Variants in AMER1 observed in about 807,000 individuals in gnomAD.
AMER1 encodes the protein RP11-403E24.2.
A neutral mutation model predicts 53.0 loss-of-function variants in AMER1; 16 were observed. The observed-to-expected ratio is 0.30, with a 90% confidence interval of 0.20 to 0.46. The LOEUF (loss-of-function observed/expected upper bound fraction) is 0.46. Ranked by LOEUF, AMER1 falls within the 20% of genes least tolerant of loss-of-function variation. The pLI is 1.00. For synonymous variants in AMER1, 354 were observed against 331.9 expected, an observed-to-expected ratio of 1.07 and a Z score of -0.73; for missense variants, 947 against 884.9, an observed-to-expected ratio of 1.07 and a Z score of -0.89.
chrX:64,198,155 C>T (rs1049465099), intron 1 of AMER1, among the ~76,000 whole-genome samples: 1 of 111,760 alleles, frequency 8.9e-6, no homozygotes, highest in Non-Finnish European at 1.9e-5. Context: ...ATTTAGCCAA[C>T]TTTTGATATT....
At chrX:64,193,521 T>A (rs1302444892) in intron 1 of AMER1, 137 bp from the exon 2 acceptor site, 2 of 467,065 alleles carry the variant, frequency 4.3e-6, no homozygotes, top group East Asian at 3.8e-5. Context: ...CAAATCTTAA[T>A]CCACTCGATA....
At chrX:64,195,440 T>C (rs1354994615) in intron 1 of AMER1, among the ~76,000 whole-genome samples, 1 of 111,972 alleles carries the variant, frequency 8.9e-6, no homozygotes, top group South Asian at 3.7e-4. Context: ...TCTAAGGAGC[T>C]CCTAGGCTAA....
intron 1 of AMER1, among the ~76,000 whole-genome samples, chrX:64,194,987 C>T (rs1195129685): frequency 4.5e-5 from 5 of 111,815 alleles, no homozygotes; most frequent in African/African-American, 1.6e-4. Flanking sequence ...GCTGGTTATC[C>T]AGAAAAGAAA....
rs770715107 is a variant in AMER1, at chrX:64,191,253, G to T, written c.2034C>A (p.His678Gln). The T allele has an allele frequency of 8.3e-7, 1 of 1,209,996 alleles. No individual in the cohort carries two copies. The highest frequency in any genetic ancestry group is 1.7e-5 in the African/African-American group (1 of 57,170). ...TGGGGAAAGCTGAGGTAATTCCCCG[G>T]TGGGAAATCTGAGAGGTCCCTGATA... ...AGVSGTSQIS[H>Q]RGITSAFPTT... Residue 678 changes from histidine (H) to glutamine (Q), a missense_variant, in exon 2 of 2, where the codon CAC becomes CAA. Coordinates refer to ENST00000374869, the MANE Select transcript of AMER1 (RefSeq NM_152424.4).
Position 64,192,202 on chromosome X carries a change from A to G in AMER1, c.1085T>C (p.Leu362Pro). 2.5e-6 allele frequency: 3 copies of G among 1,211,647 alleles called. No individual in the cohort carries two copies. The highest frequency in any genetic ancestry group is 3.4e-6 in the Non-Finnish European group (3 of 895,455). Residue 362 changes from leucine (L) to proline (P), a missense_variant, in exon 2 of 2, where the codon CTG becomes CCG. Leu to Pro is a moderately conservative substitution (Grantham distance 98, BLOSUM62 -3). Coordinates refer to ENST00000374869, the MANE Select transcript of AMER1 (RefSeq NM_152424.4). ...NRDGTKRSSC[L>P]VTYQGGGEEM... is the part of the protein sequence containing the mutation. The stretch of plus-strand genomic sequence containing the variant: ...CTCCCCACCTCCTTGGTAGGTCACC[A>G]GGCAGGAACTTCGCTTGGTCCCATC...
intron 1 of AMER1, among the ~76,000 whole-genome samples, chrX:64,200,955 G>A (rs958661063): frequency 1.8e-5 from 2 of 111,733 alleles, no homozygotes; most frequent in African/African-American, 6.5e-5. Context: ...GATGGAGAGG[G>A]AGGGTTGAGG....
chrX:64,186,113 C>G lies in AMER1; in HGVS notation c.*3766G>C. 8.3e-7 allele frequency: 1 copy of G among 1,205,125 alleles called. No homozygotes were observed. Among genetic ancestry groups the G allele is most frequent in the Non-Finnish European group, 1.1e-6 (1 of 890,098 alleles). On this transcript the variant is annotated 3_prime_UTR_variant, in exon 2 of 2. Coordinates refer to ENST00000374869, the MANE Select transcript of AMER1 (RefSeq NM_152424.4). Reference sequence around the variant, plus strand: ...TAAAATAAAGCCAGAAAATGACAAGCTGTCTACCAGGTCCCACACGCCTGA... The same window carrying G: ...TAAAATAAAGCCAGAAAATGACAAGGTGTCTACCAGGTCCCACACGCCTGA...
chrX:64,201,206 A>C (rs1026674414), intron 1 of AMER1, among the ~76,000 whole-genome samples: 5 of 110,827 alleles, frequency 4.5e-5, no homozygotes, highest in Non-Finnish European at 9.4e-5. Flanking sequence ...ACATACTCTT[A>C]CTGGGCTAGC....
chrX:64,204,377 G>A (rs770952251), intron 1 of AMER1, among the ~76,000 whole-genome samples: 12 of 114,060 alleles, frequency 1.1e-4, no homozygotes, highest in Admixed American at 1.8e-4. Context: ...CCAGCTCTGC[G>A]GGGCCAGTCC....
rs1484186857 is a variant in AMER1 at position 64,190,345 on chromosome X, T to C, written c.2942A>G (p.Asp981Gly). ...GPAWISPNQL[D>G]RPSSQSPYRQ... is the part of the protein sequence containing the mutation. ...ATATGGAGACTGGCTGGAAGGCCTG[T>C]CCAACTGGTTGGGGCTTATCCAGGC... is the stretch of plus-strand genomic sequence containing the variant. The change falls in exon 2 of 2, where the codon GAC becomes GGC. Residue 981 changes from aspartate to glycine, a missense_variant. Transcript: ENST00000374869. 6 of 1,210,140 alleles carry C rather than the reference T, an allele frequency of 5.0e-6. No homozygotes were observed. The highest frequency in any genetic ancestry group is 6.7e-6 in the Non-Finnish European group (6 of 895,076).
chrX:64,199,757 T>C (rs1004889849), intron 1 of AMER1, among the ~76,000 whole-genome samples: 2 of 111,625 alleles, frequency 1.8e-5, no homozygotes, highest in Non-Finnish European at 3.8e-5. Flanking sequence ...TGTTGCCAGA[T>C]TCATTTTCTT....
At position 64,191,536 on chromosome X, in the gene AMER1, C is replaced by T. The variant is rs773828754; in HGVS notation, c.1751G>A (p.Arg584His). 3 of 1,212,170 alleles carry T rather than the reference C, an allele frequency of 2.5e-6. No homozygotes were observed. Among genetic ancestry groups the T allele is most frequent in the African/African-American group, 3.5e-5 (2 of 57,903 alleles). Residue 584 changes from arginine to histidine, a missense_variant, in exon 2 of 2, where the codon CGT (arginine) becomes CAT (histidine). Arg to His is a conservative substitution (Grantham distance 29). Transcript: ENST00000374869. ...RREQLEAQEA[R>H]AREAHAREAH... ...CTCCCTGGCATGAGCTTCTCGGGCA[C>T]GTGCCTCCTGGGCCTCAAGCTGCTC...
At chrX:64,198,116 G>C (rs960051668) in intron 1 of AMER1, among the ~76,000 whole-genome samples, 1 of 111,474 alleles carries the variant, frequency 9.0e-6, no homozygotes, top group Non-Finnish European at 1.9e-5. Context: ...ATAACTGTGT[G>C]GTCATGTCAT....
chrX:64,188,973 A>G lies in AMER1; in HGVS notation c.*906T>C, dbSNP rs1930164555. 36 of 808,205 alleles carry G rather than the reference A, an allele frequency of 4.5e-5. No homozygotes were observed. The highest frequency in any genetic ancestry group is 5.2e-5 in the Non-Finnish European group (35 of 672,284). The allele number at this position is 808,205 out of a possible 1,213,427, so 66.6% of individuals were successfully genotyped here. ...GGTAGTCACAAGCTTAAAAGAAGGA[A>G]AAAAAATCCTATCATTCCGGAGCTC... is the stretch of plus-strand genomic sequence containing the variant. On this transcript the variant is annotated 3_prime_UTR_variant, in exon 2 of 2. Coordinates refer to ENST00000374869, the MANE Select transcript of AMER1 (RefSeq NM_152424.4).
chrX:64,205,086 G>A (rs1018087600), intron 1 of AMER1, among the ~76,000 whole-genome samples: 4 of 113,822 alleles, frequency 3.5e-5, no homozygotes, highest in African/African-American at 1.3e-4. Context: ...GGAGGGAGAG[G>A]CTGGAGATGC....
rs1391085816 is a variant in AMER1 at position 64,190,586 on chromosome X, T to A, written c.2701A>T (p.Thr901Ser). The A allele has an allele frequency of 8.3e-7, 1 of 1,211,618 alleles. No homozygotes were observed. The highest frequency in any genetic ancestry group is 3.0e-5 in the East Asian group (1 of 33,809). ...GAATTGGAGAGCTCCATCTCCAGGG[T>A]CTCTGCAGTGTCGAGAGAGCGGCTT... ...RRSRSLDTAE[T>S]LEMELSNSHL... Residue 901 changes from threonine (T) to serine (S), a missense_variant, in exon 2 of 2, where the codon ACC becomes TCC. By Grantham distance (58) the Thr-to-Ser change is moderately conservative. Transcript: ENST00000374869.
In AMER1 at chrX:64,189,181, C is replaced by T. The variant is rs891556954; in HGVS notation, c.*698G>A. 12 of 798,493 alleles carry T rather than the reference C, an allele frequency of 1.5e-5. No homozygotes were observed. The highest frequency in any genetic ancestry group is 8.9e-5 in the African/African-American group (4 of 45,008). The allele number at this position is 798,493 out of a possible 1,213,427, so 65.8% of individuals were successfully genotyped here. ...CCACAGCGATAGGCTGTGAGACACA[C>T]GCTACTTGATCCTCTCTAAGGACAG... On this transcript the variant is annotated 3_prime_UTR_variant, in exon 2 of 2. Transcript: ENST00000374869.
rs1930189222 is a variant in AMER1 at position 64,189,534 on chromosome X, A to ATATAT, written c.*340_*344dup. On this transcript the variant is annotated 3_prime_UTR_variant, in exon 2 of 2. Transcript: ENST00000374869. Reference sequence around the variant, plus strand: ...TGTGTGTATATATATATATATATATATATATATATATATATATATATATAA... The same window carrying ATATAT: ...TGTGTGTATATATATATATATATATATATATTATATATATATATATATATATATAA... 2 of 99,643 alleles carry ATATAT rather than the reference A, an allele frequency of 2.0e-5. No individual in the cohort carries two copies. The highest frequency in any genetic ancestry group is 2.3e-4 in the African/African-American group (2 of 8,771). 8.2% of individuals were successfully genotyped at this position (99,643 alleles called of 1,213,427 possible).
rs772837332 is a variant in AMER1, at chrX:64,191,657, G to A, written c.1630C>T (p.Pro544Ser). ...EMFDPFLNFE[P>S]FLSSRPPGAM... Reference sequence around the variant, plus strand: ...CCAGGTGGCCGGGAGGACAAAAAGGGCTCAAAGTTTAAGAAGGGGTCAAAC... The same window carrying A: ...CCAGGTGGCCGGGAGGACAAAAAGGACTCAAAGTTTAAGAAGGGGTCAAAC... Residue 544 changes from proline (P) to serine (S), a missense_variant, in exon 2 of 2, where the codon CCC (proline) becomes TCC (serine). Transcript: ENST00000374869. The A allele has an allele frequency of 5.0e-6, 6 of 1,210,923 alleles. No homozygotes were observed. The highest frequency in any genetic ancestry group is 1.7e-5 in the African/African-American group (1 of 57,443).
Sources: gnomAD v4.1 joint callset for allele counts (sites outside exome capture counted in the v4.1 genomes callset) on GRCh38, gnomAD v4.1.1 for gene constraint, MANE v1.5 for transcripts, NCBI Gene and HGNC (gene_info 2026-07-23, HGNC 2026-07-21) for gene names.